The following FASTKD2 variants were observed in gnomAD, a reference collection of about 807,000 sequenced individuals.
The protein encoded by FASTKD2 is FAST kinase domains 2.
Under a neutral mutation model 63.6 loss-of-function variants are expected in FASTKD2, and 51 were observed. That is an observed-to-expected ratio of 0.80 (90% confidence interval 0.64 to 1.01). The LOEUF is 1.01. Among genes scored for constraint, FASTKD2 ranks in the 50% least tolerant of loss-of-function variants. The pLI is 0.00. For synonymous variants in FASTKD2, 284 were observed against 293.4 expected (o/e 0.97, Z 0.33); for missense variants, 786 against 831.1 (o/e 0.95, Z 0.67).
intron 6 of FASTKD2, among the ~76,000 whole-genome samples, chr2:206,772,725 TC>T (rs34576708): frequency 0.041 from 6,227 of 152,294 alleles, 174 homozygotes; most frequent in Non-Finnish European, 0.062. Flanking sequence ...CATATTGTAT[TC>T]AATAAATTAC....
At chr2:206,781,880 G>A (rs773479501) in intron 7 of FASTKD2, among the ~76,000 whole-genome samples, 7 of 151,916 alleles carry the variant, frequency 4.6e-5, no homozygotes, top group East Asian at 3.9e-4. Context: ...GGTTTCGTCC[G>A]CTCTCCTTGT....
intron 3 of FASTKD2, 131 bp from the exon 4 acceptor site, chr2:206,771,051 A>C (rs1689666468): frequency 1.5e-6 from 1 of 653,796 alleles, no homozygotes; most frequent in African/African-American, 1.8e-5. Flanking sequence ...ACACTCTCTC[A>C]AGCAGGTAGA....
rs141243028 is a variant in FASTKD2, at chr2:206,768,629, G to A, written c.777+1159G>A. The stretch of plus-strand genomic sequence containing the variant: ...GTGGGAATATCACTTGAGCCTGGGA[G>A]GTCGAAGCTGCCGTGAGCCATGATC... On this transcript the variant is annotated intron_variant, in intron 2 of 11. Transcript: ENST00000402774. Among the ~76,000 whole-genome samples the A allele has an allele frequency of 2.5e-3, 375 of 152,298 alleles. 4 individuals carry two copies. Among genetic ancestry groups the A allele is most frequent in the African/African-American group, 8.5e-3 (355 of 41,568 alleles).
chr2:206,771,776 C>T, intron 4 of FASTKD2, 118 bp from the exon 5 acceptor site: 1 of 766,888 alleles, frequency 1.3e-6, no homozygotes, highest in South Asian at 1.7e-5. Flanking sequence ...ATCACTTGAG[C>T]CTGGGAGGTT....
chr2:206,786,657 A>C (rs1419247259), intron 7 of FASTKD2, 76 bp from the exon 8 acceptor site: 2 of 1,303,932 alleles, frequency 1.5e-6, no homozygotes, highest in Non-Finnish European at 2.2e-6. Context: ...TGATTTTCTT[A>C]TCTCTTTTCT....
At chr2:206,789,156 A>G (rs1690216444) in intron 10 of FASTKD2, 4 of 451,406 alleles carry the variant, frequency 8.9e-6, no homozygotes, top group Non-Finnish European at 1.6e-5. Context: ...TTGAAGCTAT[A>G]GTTCAATAAA....
At chr2:206,774,442 AC>A (rs1298029125) in intron 7 of FASTKD2, 45 bp downstream of exon 7, 2 of 1,239,960 alleles carry the variant, frequency 1.6e-6, no homozygotes, top group Non-Finnish European at 1.2e-6. Context: ...CATATAACTT[AC>A]AAAAAAGGTT....
Position 206,794,137 on chromosome 2 carries a change from C to T in FASTKD2, c.*2335C>T, listed in dbSNP as rs1690377052. ...TTTGACGTACATACACACACACACACATCTGTGAAACCACAATCAAGATAA... is the reference window on the plus strand; with the variant it reads ...TTTGACGTACATACACACACACACATATCTGTGAAACCACAATCAAGATAA... On this transcript the variant is annotated 3_prime_UTR_variant, in exon 12 of 12. Transcript: ENST00000402774. Among the ~76,000 whole-genome samples, 1 of 152,134 alleles carries T rather than the reference C, an allele frequency of 6.6e-6. No homozygotes were observed. The highest frequency in any genetic ancestry group is 1.5e-5 in the Non-Finnish European group (1 of 68,026).
Position 206,793,872 on chromosome 2 carries a change from G to A in FASTKD2, c.*2070G>A, listed in dbSNP as rs1421453035. ...GTCTACTTGTAAAGACATGCACATTGAAACAGAAGAGATGGTTTTGCCTTT... is the reference window on the plus strand; with the variant it reads ...GTCTACTTGTAAAGACATGCACATTAAAACAGAAGAGATGGTTTTGCCTTT... On this transcript the variant is annotated 3_prime_UTR_variant, in exon 12 of 12. Transcript: ENST00000402774. Among the ~76,000 whole-genome samples, 1 of 152,202 alleles carries A rather than the reference G, an allele frequency of 6.6e-6. No individual in the cohort carries two copies. The highest frequency in any genetic ancestry group is 1.9e-4 in the East Asian group (1 of 5,194).
chr2:206,791,869 G>C lies in FASTKD2; in HGVS notation c.*67G>C. The C allele has an allele frequency of 6.9e-7, 1 of 1,444,168 alleles. No individual in the cohort carries two copies. 89.5% of individuals were successfully genotyped at this position (1,444,168 alleles called of 1,614,324 possible). On this transcript the variant is annotated 3_prime_UTR_variant, in exon 12 of 12. Transcript: ENST00000402774. ...AAAAATTAATAAAGATGACAAGTCA[G>C]TTGTCAATGGAATTGAGCTATCTGC...
rs1689543590 is a variant in FASTKD2, at chr2:206,767,309, C to T, written c.616C>T (p.Leu206=). The change falls in exon 2 of 12, where the codon CTG becomes TTG. Residue 206 remains leucine, a synonymous_variant. Coordinates refer to ENST00000402774, the MANE Select transcript of FASTKD2 (RefSeq NM_001136193.2). ...TGACCAGAAGCGCTTTGAAAAACGA[C>T]TGATGTTTAGCCACCCTGCATTTAA... ...SDDQKRFEKR[L]MFSHPAFNQL... is the part of the protein sequence containing the mutation. The T allele has an allele frequency of 6.2e-7, 1 of 1,614,066 alleles. No homozygotes were observed. The highest frequency in any genetic ancestry group is 1.1e-5 in the South Asian group (1 of 91,086).
Position 206,766,295 on chromosome 2 carries a change from G to A in FASTKD2, c.-50-349G>A, listed in dbSNP as rs867597175. Among the ~76,000 whole-genome samples, 368 of 126,282 alleles carry A rather than the reference G, an allele frequency of 2.9e-3. 2 individuals are homozygous for A. The highest frequency in any genetic ancestry group is 9.8e-3 in the African/African-American group (328 of 33,444). 82.8% of individuals were successfully genotyped at this position (126,282 alleles called of 152,430 possible). A position where few individuals can be genotyped will look rare whatever the true frequency, so the allele number is the denominator to read the frequency against. ...AAAAAAAAAAAAAAAACAGAGAAGA[G>A]AAAAGAAAATGATCTATCAATGCTA... On this transcript the variant is annotated intron_variant, in intron 1 of 11. Coordinates refer to ENST00000402774, the MANE Select transcript of FASTKD2 (RefSeq NM_001136193.2).
chr2:206,790,204 A>G (rs1175496737), intron 10 of FASTKD2: 3 of 204,718 alleles, frequency 1.5e-5, no homozygotes, highest in South Asian at 8.8e-5. Context: ...ACTATTTGGT[A>G]TTATTTACAC....
rs1259024642 is a variant in FASTKD2, at chr2:206,793,248, A to AAAAAAAAAAAAAAAAC, written c.*1449_*1450insAAAAAAAAAAAACAAA. On this transcript the variant is annotated 3_prime_UTR_variant, in exon 12 of 12. Transcript: ENST00000402774. ...AAAAAAAAAAAAAAAAAAAAAAAAAAAAATACAAAAACTATAGCAATATGA... is the reference window on the plus strand; with the variant it reads ...AAAAAAAAAAAAAAAAAAAAAAAAAAAAAAAAAAAAAAAAACAAATACAAAAACTATAGCAATATGA... Among the ~76,000 whole-genome samples the AAAAAAAAAAAAAAAAC allele has an allele frequency of 7.9e-6, 1 of 126,558 alleles. No homozygotes were observed. Among genetic ancestry groups the AAAAAAAAAAAAAAAAC allele is most frequent in the Non-Finnish European group, 1.8e-5 (1 of 56,482 alleles). 83.0% of individuals were successfully genotyped at this position (126,558 alleles called of 152,430 possible). A position where few individuals can be genotyped will look rare whatever the true frequency, so the allele number is the denominator to read the frequency against.
chr2:206,787,964 ATAC>A lies in FASTKD2; in HGVS notation c.1624_1626del (p.Thr542del). 6.2e-7 allele frequency: 1 copy of A among 1,611,270 alleles called. No individual in the cohort carries two copies. The highest frequency in any genetic ancestry group is 8.5e-7 in the Non-Finnish European group (1 of 1,177,508). On this transcript the variant is annotated inframe_deletion, in exon 9 of 12. Transcript: ENST00000402774. ...GACATGAAGAATGCTTACAAGCTGC[ATAC>A]TTTGGATACTTGTCTAAAACTTGAT...
chr2:206,776,660 TTGTC>T (rs764138774), intron 7 of FASTKD2, among the ~76,000 whole-genome samples: 1 of 151,838 alleles, frequency 6.6e-6, no homozygotes, highest in African/African-American at 2.4e-5. Flanking sequence ...CTTGGCAGCT[TTGTC>T]TTTTTTATGC....
intron 8 of FASTKD2, 105 bp from the exon 9 acceptor site, chr2:206,787,832 G>A (rs1052110123): frequency 8.4e-6 from 4 of 477,668 alleles, no homozygotes; most frequent in Non-Finnish European, 1.1e-5. Flanking sequence ...GTGCATTTAT[G>A]TATATATTTA....
intron 6 of FASTKD2, among the ~76,000 whole-genome samples, chr2:206,773,316 C>CAAAAA (rs869141094): frequency 1.5e-5 from 1 of 68,138 alleles, no homozygotes; most frequent in African/African-American, 4.8e-5. Context: ...AACTCTGTCT[C>CAAAAA]AAAAAAAAAA....
At position 206,766,590 on chromosome 2, in the gene FASTKD2, TA is replaced by T. The variant is rs1689484491; in HGVS notation, c.-50-52del. ...TTCTGTTAAATGCATTTCATTTCTT[TA>T]AGTAAAAGTTTTGTTTTAATTTTTA... is the stretch of plus-strand genomic sequence containing the variant. On this transcript the variant is annotated intron_variant, in intron 1 of 11. Coordinates refer to ENST00000402774, the MANE Select transcript of FASTKD2 (RefSeq NM_001136193.2). The T allele has an allele frequency of 5.0e-6, 5 of 992,882 alleles. No homozygotes were observed. In the South Asian group the frequency reaches 6.7e-5, roughly 13 times the overall value. 61.5% of individuals were successfully genotyped at this position (992,882 alleles called of 1,614,324 possible).
Sources: gnomAD v4.1 joint callset for allele counts (sites outside exome capture counted in the v4.1 genomes callset) on GRCh38, gnomAD v4.1.1 for gene constraint, MANE v1.5 for transcripts, NCBI Gene and HGNC (gene_info 2026-07-23, HGNC 2026-07-21) for gene names.